Variants in TMOD1 observed in about 807,000 individuals in gnomAD.
TMOD1 encodes tropomodulin-1.
In TMOD1, 17 loss-of-function variants were observed where a neutral mutation model predicts 40.6. The observed-to-expected ratio is 0.42, with a 90% CI of 0.29 to 0.63. The LOEUF (loss-of-function observed/expected upper bound fraction) is 0.63, where lower values mean the gene tolerates loss of function less well. TMOD1 is among the 20% of genes least tolerant of loss of function. The pLI is 0.22. For missense variants in TMOD1, 391 were observed against 447.6 expected, an observed-to-expected ratio of 0.87 and a Z score of 1.14; for synonymous variants, 181 against 175.0, an observed-to-expected ratio of 1.03 and a Z score of -0.27.
At chr9:97,523,587 G>T (rs916071880) in intron 1 of TMOD1, among the ~76,000 whole-genome samples, 2 of 152,200 alleles carry the variant, frequency 1.3e-5, no homozygotes, top group Non-Finnish European at 2.9e-5. Flanking sequence ...GGTTAAATGA[G>T]AAAGTCCTTG....
chr9:97,597,297 G>A (rs1826129685), intron 9 of TMOD1, among the ~76,000 whole-genome samples: 1 of 152,204 alleles, frequency 6.6e-6, no homozygotes, highest in Non-Finnish European at 1.5e-5. Flanking sequence ...CTTGGAATAA[G>A]TTACTTCCCT....
Position 97,502,547 on chromosome 9 carries a change from G to A in TMOD1, c.-49+744G>A, listed in dbSNP as rs568386682. On this transcript the variant is annotated intron_variant, in intron 1 of 9. Coordinates refer to ENST00000259365, the MANE Select transcript of TMOD1 (RefSeq NM_003275.4). The surrounding 1 kb of genome is among the most constrained non-coding windows in gnomAD (Gnocchi z 6.1). ...GGTTTGGTAGCCGCGATGGAGCTGG[G>A]AGCCCAAGCCCTGAGAGCTGCAGGG... Among the ~76,000 whole-genome samples, 15 of 152,150 alleles carry A rather than the reference G, an allele frequency of 9.9e-5. No individual in the cohort carries two copies. The highest frequency in any genetic ancestry group is 2.1e-4 in the Non-Finnish European group (14 of 68,020).
At chr9:97,543,038 G>C (rs1213148110) in intron 2 of TMOD1, among the ~76,000 whole-genome samples, 1 of 152,188 alleles carries the variant, frequency 6.6e-6, no homozygotes. Flanking sequence ...TGTCAGTTGT[G>C]CTGAGGTTGA....
intron 8 of TMOD1, among the ~76,000 whole-genome samples, chr9:97,577,503 A>G (rs942987379): frequency 2.6e-5 from 4 of 152,226 alleles, no homozygotes; most frequent in Non-Finnish European, 4.4e-5. Flanking sequence ...AATGAAAATA[A>G]TGAGGATGGG....
chr9:97,554,160 A>T (rs1830498231), intron 4 of TMOD1, among the ~76,000 whole-genome samples: 1 of 140,162 alleles, frequency 7.1e-6, no homozygotes, highest in Admixed American at 7.3e-5. Flanking sequence ...GAGACTGCTA[A>T]TCATAGCCCA....
chr9:97,574,817 A>G (rs1287041372), intron 8 of TMOD1, among the ~76,000 whole-genome samples: 2 of 152,182 alleles, frequency 1.3e-5, no homozygotes, highest in East Asian at 3.8e-4. Context: ...GGGGACATGG[A>G]GAACTTTTGT....
At chr9:97,514,277 T>C (rs1829763801) in intron 1 of TMOD1, among the ~76,000 whole-genome samples, 1 of 87,368 alleles carries the variant, frequency 1.1e-5, no homozygotes, top group Non-Finnish European at 2.4e-5. Context: ...TTCTTTTTCT[T>C]TTTTTTTTTT....
At chr9:97,512,244 C>G (rs965067301) in intron 1 of TMOD1, among the ~76,000 whole-genome samples, 2 of 152,226 alleles carry the variant, frequency 1.3e-5, no homozygotes, top group Non-Finnish European at 1.5e-5. Flanking sequence ...ACCAGAATGG[C>G]TAACAGGAAG....
rs550848998 is a variant in TMOD1, at chr9:97,595,935, A to G, written c.1016-3699A>G. On this transcript the variant is annotated intron_variant, in intron 9 of 9. Coordinates refer to ENST00000259365, the MANE Select transcript of TMOD1 (RefSeq NM_003275.4). ...TAAAAATACAAAAAATTAGCCGGGC[A>G]TGGTGGCAGGCACCTGTAATCCCAG... Among the ~76,000 whole-genome samples, 15 of 152,050 alleles carry G rather than the reference A, an allele frequency of 9.9e-5. 1 individual carries two copies. In the East Asian group the frequency reaches 2.7e-3, roughly 28 times the overall value.
At chr9:97,580,971 TTTTTA>T (rs57396096) in intron 8 of TMOD1, among the ~76,000 whole-genome samples, 2 of 132,352 alleles carry the variant, frequency 1.5e-5, no homozygotes, top group Non-Finnish European at 3.2e-5. Context: ...GCATAATTCT[TTTTTA>T]TTTTATTTTA....
rs377416877 is a variant in TMOD1 at position 97,565,922 on chromosome 9, C to T, written c.693C>T (p.Ile231=). 1.6e-4 allele frequency: 259 copies of T among 1,614,058 alleles called. 1 individual carries two copies. Among genetic ancestry groups the T allele is most frequent in the Non-Finnish European group, 2.1e-4 (250 of 1,180,014 alleles). The change falls in exon 7 of 10, where the codon ATC becomes ATT. Residue 231 remains isoleucine, a synonymous_variant. Transcript: ENST00000259365. ...KENSYVKKFS[I]VGTRSNDPVA... is the part of the protein sequence containing the mutation. ...ACTCATATGTGAAGAAGTTCAGCAT[C>T]GTGGGGACACGGAGTAATGACCCCG...
chr9:97,599,500 CT>C (rs1299068402), intron 9 of TMOD1, 133 bp from the exon 10 acceptor site: 1 of 1,098,318 alleles, frequency 9.1e-7, no homozygotes, highest in African/African-American at 1.6e-5. Flanking sequence ...ACATACTGTC[CT>C]TTCAAAACAA....
chr9:97,593,636 G>C (rs11789701), intron 9 of TMOD1, among the ~76,000 whole-genome samples: 43,918 of 151,874 alleles, frequency 0.29, 6,712 homozygotes, highest in Middle Eastern at 0.41. Flanking sequence ...AGACTCAAAG[G>C]CATGCCTAAA....
chr9:97,601,475 G>C lies in TMOD1; in HGVS notation c.*1777G>C. The C allele has an allele frequency of 1.0e-6, 1 of 997,600 alleles. No individual in the cohort carries two copies. Among genetic ancestry groups the C allele is most frequent in the Non-Finnish European group, 1.2e-6 (1 of 837,106 alleles). The allele number at this position is 997,600 out of a possible 1,614,324, so 61.8% of individuals were successfully genotyped here. On this transcript the variant is annotated 3_prime_UTR_variant, in exon 10 of 10. Coordinates refer to ENST00000259365, the MANE Select transcript of TMOD1 (RefSeq NM_003275.4). ...GCTCAGAGAGTAAGTGCTGGGGAAA[G>C]CAGAGCTATCAGAGGAAATCTCTCA...
At chr9:97,577,048 G>T (rs936747959) in intron 8 of TMOD1, among the ~76,000 whole-genome samples, 1 of 150,794 alleles carries the variant, frequency 6.6e-6, no homozygotes, top group African/African-American at 2.5e-5. Flanking sequence ...TTAATAATGT[G>T]GTTATATTTA....
At chr9:97,563,791 C>G (rs1312582403) in intron 5 of TMOD1, among the ~76,000 whole-genome samples, 1 of 152,206 alleles carries the variant, frequency 6.6e-6, no homozygotes, top group East Asian at 1.9e-4. Flanking sequence ...ACCCAAGGTT[C>G]AGAGAGTTTA....
chr9:97,555,488 A>T, intron 4 of TMOD1: 1 of 1,439,156 alleles, frequency 6.9e-7, no homozygotes, highest in African/African-American at 1.4e-5. Flanking sequence ...CTTTCTTGAA[A>T]CTACTTCTCT....
chr9:97,528,186 C>G (rs910565595), intron 2 of TMOD1, among the ~76,000 whole-genome samples: 7 of 152,222 alleles, frequency 4.6e-5, no homozygotes, highest in Admixed American at 4.6e-4. Context: ...GGAAGGGACA[C>G]TCCACTTGTG....
chr9:97,514,730 G>A (rs543830649), intron 1 of TMOD1, among the ~76,000 whole-genome samples: 4 of 152,350 alleles, frequency 2.6e-5, no homozygotes, highest in Admixed American at 6.5e-5. Flanking sequence ...TTGTAATACC[G>A]TTGGGAATTG....
Sources: gnomAD v4.1 joint callset for allele counts (sites outside exome capture counted in the v4.1 genomes callset) on GRCh38, gnomAD v4.1.1 for gene constraint, Gnocchi (gnomAD v3.1) non-coding constraint, MANE v1.5 for transcripts, NCBI Gene and HGNC (gene_info 2026-07-23, HGNC 2026-07-21) for gene names.